Variants in RNF175 observed in about 807,000 individuals in gnomAD.
RNF175 encodes the protein ring finger protein 175.
Under a neutral mutation model 50.0 loss-of-function variants are expected in RNF175, and 38 were observed. That is an observed-to-expected ratio of 0.76 (90% CI 0.59 to 1.00). The LOEUF (loss-of-function observed/expected upper bound fraction) is 1.00, where lower values mean the gene tolerates loss of function less well. RNF175 is among the 50% of genes least tolerant of loss of function. RNF175 has a pLI of 0.00. For missense variants in RNF175, 388 were observed against 409.6 expected (o/e 0.95, Z 0.46); for synonymous variants, 155 against 146.1 (o/e 1.06, Z -0.44).
intron 3 of RNF175, among the ~76,000 whole-genome samples, chr4:153,744,518 G>A (rs1015708407): frequency 1.3e-5 from 2 of 152,054 alleles, no homozygotes; most frequent in South Asian, 2.1e-4. Context: ...TTTCAAGGTC[G>A]GGGGCTTCCT....
At chr4:153,733,663 A>G (rs1023674299) in intron 3 of RNF175, among the ~76,000 whole-genome samples, 21 of 152,100 alleles carry the variant, frequency 1.4e-4, no homozygotes, top group African/African-American at 5.1e-4. Context: ...CCATATTTTT[A>G]ATGCAGTTAG....
chr4:153,737,067 C>T (rs1424764702), intron 3 of RNF175, among the ~76,000 whole-genome samples: 1 of 152,192 alleles, frequency 6.6e-6, no homozygotes, highest in Non-Finnish European at 1.5e-5. Context: ...TTATGTTGCC[C>T]AGGCTGGTCT....
intron 3 of RNF175, among the ~76,000 whole-genome samples, chr4:153,746,978 G>A (rs528571147): frequency 1.3e-5 from 2 of 152,208 alleles, no homozygotes; most frequent in Non-Finnish European, 2.9e-5. Flanking sequence ...AGCAGCCAAG[G>A]AGAACGATGC....
Position 153,722,746 on chromosome 4 carries a change from T to C in RNF175, c.509+605A>G, listed in dbSNP as rs542020372. On this transcript the variant is annotated intron_variant, in intron 5 of 8. Coordinates refer to ENST00000347063, the MANE Select transcript of RNF175 (RefSeq NM_173662.4). Reference sequence around the variant, plus strand: ...ACCACAAATATAATTTTAAATTTTCTGGTAGGTGCATTTAATAAGTCAAAA... The same window carrying C: ...ACCACAAATATAATTTTAAATTTTCCGGTAGGTGCATTTAATAAGTCAAAA... Among the ~76,000 whole-genome samples the C allele has an allele frequency of 9.0e-5, 13 of 145,202 alleles. No homozygotes were observed. In the East Asian group the frequency reaches 2.5e-3, roughly 28 times the overall value.
intron 1 of RNF175, among the ~76,000 whole-genome samples, chr4:153,752,033 G>C (rs1051361595): frequency 1.3e-5 from 2 of 152,234 alleles, no homozygotes; most frequent in Admixed American, 6.5e-5. Context: ...ATCTGGGCTT[G>C]TGCCCTTACA....
intron 3 of RNF175, chr4:153,745,668 C>T (rs1211786504): frequency 6.6e-6 from 1 of 152,246 alleles, no homozygotes; most frequent in Non-Finnish European, 1.5e-5. Flanking sequence ...TTATTTCTCA[C>T]AGTTCTGGAG....
intron 3 of RNF175, among the ~76,000 whole-genome samples, chr4:153,734,676 T>C (rs1286369409): frequency 9.1e-5 from 12 of 131,878 alleles, no homozygotes; most frequent in Non-Finnish European, 9.6e-5. Flanking sequence ...TTTTTTTTTT[T>C]TTTTTTTTTT....
chr4:153,718,218 G>GTTTTTTTTTTTT (rs1560770428), intron 6 of RNF175, among the ~76,000 whole-genome samples: 4 of 28,682 alleles, frequency 1.4e-4, no homozygotes, highest in Admixed American at 3.9e-4. Context: ...AGTTTTTTTT[G>GTTTTTTTTTTTT]TTTGTTTGTT....
chr4:153,757,129 A>C (rs1740605109), intron 1 of RNF175, among the ~76,000 whole-genome samples: 1 of 152,102 alleles, frequency 6.6e-6, no homozygotes. Context: ...CCCAGCCTCC[A>C]TGCTGGGTTG....
Position 153,720,321 on chromosome 4 carries a change from T to G in RNF175, c.510-17A>C. The G allele has an allele frequency of 1.9e-6, 3 of 1,609,994 alleles. No individual in the cohort carries two copies. The highest frequency in any genetic ancestry group is 2.6e-6 in the Non-Finnish European group (3 of 1,176,434). On this transcript the variant is annotated splice_polypyrimidine_tract_variant and intron_variant, in intron 5 of 8. Transcript: ENST00000347063. Reference sequence around the variant, plus strand: ...GCTTTGATTCTATTGAAAACAACAGTATAAGGAAATAAGAATGTGGCATAT... The same window carrying G: ...GCTTTGATTCTATTGAAAACAACAGGATAAGGAAATAAGAATGTGGCATAT...
rs111263057 is a variant in RNF175, at chr4:153,712,853, C to CTT, written c.765-279_765-278dup. On this transcript the variant is annotated intron_variant, in intron 7 of 8. Coordinates refer to ENST00000347063, the MANE Select transcript of RNF175 (RefSeq NM_173662.4). The stretch of plus-strand genomic sequence containing the variant: ...TTAGATTAGATAAAGAATATGAGTC[C>CTT]TTTTTTTTTTTTTTCCTTTACAGTG... Among the ~76,000 whole-genome samples, 41 of 142,058 alleles carry CTT rather than the reference C, an allele frequency of 2.9e-4. No individual in the cohort carries two copies. In the Middle Eastern group the frequency reaches 0.011, roughly 38 times the overall value. The allele number at this position is 142,058 out of a possible 152,430, so 93.2% of individuals were successfully genotyped here.
intron 3 of RNF175, among the ~76,000 whole-genome samples, chr4:153,739,497 T>A (rs1325526953): frequency 6.6e-6 from 1 of 152,246 alleles, no homozygotes; most frequent in African/African-American, 2.4e-5. Context: ...TTTCTTTCTT[T>A]ATGTAGATTA....
intron 1 of RNF175, among the ~76,000 whole-genome samples, chr4:153,755,124 A>G (rs1432101987): frequency 6.6e-6 from 1 of 152,264 alleles, no homozygotes; most frequent in Non-Finnish European, 1.5e-5. Context: ...AGTTGATGAT[A>G]CTTAGACACG....
At chr4:153,753,542 TTCTCTC>T (rs35760802) in intron 1 of RNF175, among the ~76,000 whole-genome samples, 14 of 147,824 alleles carry the variant, frequency 9.5e-5, no homozygotes, top group Non-Finnish European at 1.5e-4. Context: ...TTTTTATCTT[TTCTCTC>T]TCTCTCTCTC....
chr4:153,735,053 G>T (rs1739281542), intron 3 of RNF175, among the ~76,000 whole-genome samples: 1 of 151,860 alleles, frequency 6.6e-6, no homozygotes, highest in South Asian at 2.1e-4. Flanking sequence ...TTCTCTCATG[G>T]ATCATGCTTT....
intron 8 of RNF175, among the ~76,000 whole-genome samples, chr4:153,711,100 G>T (rs1163009080): frequency 5.9e-5 from 9 of 152,154 alleles, no homozygotes; most frequent in Non-Finnish European, 7.4e-5. Context: ...ACTACATAAA[G>T]AAATGAATGA....
chr4:153,733,171 T>C (rs4145338), intron 3 of RNF175, among the ~76,000 whole-genome samples: 16,170 of 152,222 alleles, frequency 0.11, 1,536 homozygotes, highest in East Asian at 0.44. Flanking sequence ...TAAAAAGTTG[T>C]ATCTGAAAAT....
intron 6 of RNF175, among the ~76,000 whole-genome samples, chr4:153,716,088 A>T (rs1417227083): frequency 1.4e-5 from 2 of 143,908 alleles, no homozygotes; most frequent in Non-Finnish European, 3.0e-5. Flanking sequence ...AAAAAAAAAG[A>T]ATCTCCACTG....
At chr4:153,749,154 T>C (rs2127158248) in intron 2 of RNF175, among the ~76,000 whole-genome samples, 1 of 152,366 alleles carries the variant, frequency 6.6e-6, no homozygotes, top group Non-Finnish European at 1.5e-5. Flanking sequence ...TGCCACTTCA[T>C]TGCCTCACAA....
Sources: allele counts gnomAD v4.1 joint callset (sites outside exome capture counted in the v4.1 genomes callset), GRCh38; gene constraint gnomAD v4.1.1; transcripts MANE v1.5; gene names NCBI Gene and HGNC (gene_info 2026-07-23, HGNC 2026-07-21).